SCN7A: variants seen among roughly 807,000 people sequenced by gnomAD.
SCN7A encodes sodium channel protein type 7 subunit alpha.
Under a neutral mutation model 155.2 loss-of-function variants are expected in SCN7A, and 138 were observed. The observed-to-expected ratio is 0.89, with a 90% CI of 0.77 to 1.02. The LOEUF is 1.02. SCN7A is among the 50% of genes least tolerant of loss of function. The pLI, the probability that SCN7A is intolerant of heterozygous loss-of-function variation, is 0.00. For synonymous variants in SCN7A, 693 were observed against 649.0 expected (o/e 1.07, Z -1.03); for missense variants, 2,058 against 1,986.6 (o/e 1.04, Z -0.68).
chr2:166,412,878 A>G (rs1480324649), intron 22 of SCN7A, among the ~76,000 whole-genome samples, 190 bp downstream of exon 22: 1 of 152,068 alleles, frequency 6.6e-6, no homozygotes, highest in Non-Finnish European at 1.5e-5. Context: ...AAAGTCTGGT[A>G]ATCTTTCAAA....
At chr2:166,427,370 T>C (rs1477281118) in intron 18 of SCN7A, among the ~76,000 whole-genome samples, 1 of 152,100 alleles carries the variant, frequency 6.6e-6, no homozygotes, top group African/African-American at 2.4e-5. Context: ...TCACAGACCC[T>C]TTAAAGCATA....
intron 2 of SCN7A, among the ~76,000 whole-genome samples, chr2:166,481,973 A>G (rs2105524540): frequency 6.6e-6 from 1 of 152,282 alleles, no homozygotes; most frequent in Non-Finnish European, 1.5e-5. Context: ...TGGTTTGGAC[A>G]TCAGACCTTC....
Position 166,416,749 on chromosome 2 carries a change from G to T in SCN7A, c.3372C>A (p.Asn1124Lys). The T allele has an allele frequency of 6.2e-7, 1 of 1,611,674 alleles. No homozygotes were observed. The highest frequency in any genetic ancestry group is 8.5e-7 in the Non-Finnish European group (1 of 1,178,752). The change falls in exon 21 of 26, where the codon AAC becomes AAA. Residue 1124 changes from asparagine to lysine, a missense_variant. By Grantham distance (94) the Asn-to-Lys change is moderately conservative. Coordinates refer to ENST00000643258, the MANE Select transcript of SCN7A (RefSeq NM_002976.4). The stretch of plus-strand genomic sequence containing the variant: ...GGAAACCATTTCCAACATTATCAAA[G>T]TTCATTTTTGCATTTTCCCATAGCA... Reference protein sequence around the residue: ...ESMLWENAKMNFDNVGNGFLS... With the variant: ...ESMLWENAKMKFDNVGNGFLS...
At chr2:166,423,106 T>C (rs1279661055) in intron 19 of SCN7A, among the ~76,000 whole-genome samples, 153 bp downstream of exon 19, 1 of 151,918 alleles carries the variant, frequency 6.6e-6, no homozygotes, top group Non-Finnish European at 1.5e-5. Flanking sequence ...AAATGATAGA[T>C]GTTAAATATT....
intron 2 of SCN7A, among the ~76,000 whole-genome samples, chr2:166,485,358 G>T (rs1444299397): frequency 6.6e-6 from 1 of 152,110 alleles, no homozygotes; most frequent in Non-Finnish European, 1.5e-5. Flanking sequence ...AACAGTCTAA[G>T]ACATTAAGCT....
At chr2:166,407,781 T>C (rs1701107197) in intron 25 of SCN7A, among the ~76,000 whole-genome samples, 1 of 151,894 alleles carries the variant, frequency 6.6e-6, no homozygotes, top group Admixed American at 6.6e-5. Context: ...CCAGGATACA[T>C]GTGCAGAACA....
intron 2 of SCN7A, among the ~76,000 whole-genome samples, chr2:166,483,708 A>C (rs1033393279): frequency 2.0e-5 from 3 of 151,906 alleles, no homozygotes; most frequent in Admixed American, 1.3e-4. Flanking sequence ...GGTATGAAAA[A>C]ACACTCAAAC....
chr2:166,405,889 A>G lies in SCN7A; in HGVS notation c.4740T>C (p.Ala1580=). 1 of 1,613,162 alleles carries G rather than the reference A, an allele frequency of 6.2e-7. No individual in the cohort carries two copies. The change falls in exon 26 of 26, where the codon GCT becomes GCC. Residue 1580 remains alanine, a synonymous_variant. Coordinates refer to ENST00000643258, the MANE Select transcript of SCN7A (RefSeq NM_002976.4). ...CTTGACCCATAACTCTCTTTGTAAA[A>G]GCAAGTAAGATATCGAGGCAATGAA... ...DRIHCLDILL[A]FTKRVMGQDV... is the part of the protein sequence containing the mutation.
chr2:166,405,468 A>T lies in SCN7A; in HGVS notation c.*112T>A. On this transcript the variant is annotated 3_prime_UTR_variant, in exon 26 of 26. Coordinates refer to ENST00000643258, the MANE Select transcript of SCN7A (RefSeq NM_002976.4). ...AAGTCTTGTGAATACAAGCTTAATT[A>T]CCATCGGTTGTAAAGAACTGATTAT... 1 of 786,302 alleles carries T rather than the reference A, an allele frequency of 1.3e-6. No individual in the cohort carries two copies. Among genetic ancestry groups the T allele is most frequent in the Non-Finnish European group, 2.0e-6 (1 of 498,432 alleles). 48.7% of individuals were successfully genotyped at this position (786,302 alleles called of 1,614,324 possible). A position where few individuals can be genotyped will look rare whatever the true frequency, so the allele number is the denominator to read the frequency against.
intron 8 of SCN7A, 89 bp from the exon 9 acceptor site, chr2:166,465,620 A>C (rs1315839689): frequency 4.1e-6 from 5 of 1,229,674 alleles, no homozygotes; most frequent in Non-Finnish European, 5.8e-6. Context: ...AGAAGCTAAA[A>C]TACCTTTCTG....
chr2:166,445,823 A>AT (rs1282482780), intron 12 of SCN7A, among the ~76,000 whole-genome samples: 7 of 152,184 alleles, frequency 4.6e-5, no homozygotes, highest in African/African-American at 1.4e-4. Flanking sequence ...CTGGCTAGCC[A>AT]TATGCAGAAA....
At chr2:166,454,804 A>G (rs2105460438) in intron 11 of SCN7A, among the ~76,000 whole-genome samples, 1 of 152,304 alleles carries the variant, frequency 6.6e-6, no homozygotes, top group South Asian at 2.1e-4. Flanking sequence ...GCTTTCTACC[A>G]TCTGGTCCTT....
chr2:166,443,025 C>T lies in SCN7A; in HGVS notation c.1800+478G>A, dbSNP rs562663932. On this transcript the variant is annotated intron_variant, in intron 14 of 25. Transcript: ENST00000643258. The stretch of plus-strand genomic sequence containing the variant: ...ATTTCAATAAACAATATTCTCATAA[C>T]GTTATTCCCTTGTTTAATTTTCTGA... 2.0e-4 allele frequency among the ~76,000 whole-genome samples: 30 copies of T among 152,196 alleles called. No homozygotes were observed. In the South Asian group the frequency reaches 5.4e-3, roughly 27 times the overall value.
At chr2:166,466,123 C>A in intron 7 of SCN7A, 136 bp from the exon 8 acceptor site, 2 of 639,638 alleles carry the variant, frequency 3.1e-6, no homozygotes, top group South Asian at 4.7e-5. Context: ...ATTATTTGGG[C>A]CTCATAAATA....
intron 10 of SCN7A, 27 bp downstream of exon 10, chr2:166,462,362 T>C: frequency 6.4e-7 from 1 of 1,567,430 alleles, no homozygotes; most frequent in Non-Finnish European, 8.7e-7. Context: ...CATTCCTAAG[T>C]ACAGTACAAT....
intron 2 of SCN7A, among the ~76,000 whole-genome samples, chr2:166,480,462 A>AAAAAC (rs1162524744): frequency 2.0e-5 from 3 of 150,054 alleles, no homozygotes; most frequent in Admixed American, 6.6e-5. Flanking sequence ...CGTCTCAAAA[A>AAAAAC]AAAAAAACAA....
At position 166,432,457 on chromosome 2, in the gene SCN7A, G is replaced by A; in HGVS notation, c.2453C>T (p.Ala818Val). 1 of 1,613,592 alleles carries A rather than the reference G, an allele frequency of 6.2e-7. No individual in the cohort carries two copies. The highest frequency in any genetic ancestry group is 8.5e-7 in the Non-Finnish European group (1 of 1,179,664). ...KEKSSGTEKN[A>V]TENESQSLIP... Reference sequence around the variant, plus strand: ...AAGTGATTGGCTCTCATTTTCAGTAGCGTTTTTCTCTGTGCCACTGCTTTT... The same window carrying A: ...AAGTGATTGGCTCTCATTTTCAGTAACGTTTTTCTCTGTGCCACTGCTTTT... Residue 818 changes from alanine (A) to valine (V), a missense_variant, in exon 16 of 26, where the codon GCT becomes GTT. Coordinates refer to ENST00000643258, the MANE Select transcript of SCN7A (RefSeq NM_002976.4).
chr2:166,466,633 T>C (rs1044201161), intron 7 of SCN7A, among the ~76,000 whole-genome samples: 1 of 152,018 alleles, frequency 6.6e-6, no homozygotes, highest in Non-Finnish European at 1.5e-5. Context: ...AGAATTACTA[T>C]TAAATTTTTT....
chr2:166,472,786 C>A (rs1559123578), intron 5 of SCN7A, among the ~76,000 whole-genome samples: 1 of 151,830 alleles, frequency 6.6e-6, no homozygotes, highest in Non-Finnish European at 1.5e-5. Context: ...AGTCAGGTAA[C>A]AAGATGCCTC....
Sources: allele counts gnomAD v4.1 joint callset (sites outside exome capture counted in the v4.1 genomes callset), GRCh38; gene constraint gnomAD v4.1.1; transcripts MANE v1.5; gene names NCBI Gene and HGNC (gene_info 2026-07-23, HGNC 2026-07-21).